The following PARD3B variants were observed in gnomAD, a reference collection of about 807,000 sequenced individuals.
PARD3B encodes par-3 family cell polarity regulator beta.
A neutral mutation model predicts 130.2 loss-of-function variants in PARD3B; 103 were observed. That is an observed-to-expected ratio of 0.79 (90% CI 0.67 to 0.93). PARD3B has a LOEUF of 0.93. Ranked by LOEUF, PARD3B falls within the 40% of genes least tolerant of loss-of-function variation. The pLI is 0.00. For missense variants in PARD3B, 1,609 were observed against 1,499.2 expected (o/e 1.07, Z -1.21); for synonymous variants, 583 against 553.2 (o/e 1.05, Z -0.76).
At chr2:204,547,274 GAAA>G (rs1199613347) in intron 1 of PARD3B, among the ~76,000 whole-genome samples, 4 of 151,970 alleles carry the variant, frequency 2.6e-5, no homozygotes, top group African/African-American at 7.3e-5. Context: ...TTATTATACA[GAAA>G]AAAAATTCAG....
intron 3 of PARD3B, among the ~76,000 whole-genome samples, chr2:205,036,890 T>C (rs1575605248): frequency 6.6e-6 from 1 of 151,384 alleles, no homozygotes; most frequent in East Asian, 1.9e-4. Context: ...GCGGACTGTA[T>C]ATATAAAGAA....
chr2:204,762,384 A>G (rs2040943137), intron 2 of PARD3B, among the ~76,000 whole-genome samples: 1 of 152,078 alleles, frequency 6.6e-6, no homozygotes, highest in Non-Finnish European at 1.5e-5. Context: ...TTGGCCTTCC[A>G]AAGTAATAGG....
chr2:204,970,067 A>C (rs1392822102), intron 3 of PARD3B, among the ~76,000 whole-genome samples: 3 of 152,150 alleles, frequency 2.0e-5, no homozygotes, highest in African/African-American at 7.2e-5. Flanking sequence ...GCCATCTGTA[A>C]AAAAGACAAA....
intron 1 of PARD3B, among the ~76,000 whole-genome samples, chr2:204,549,472 T>G (rs190187830): frequency 6.6e-6 from 1 of 152,324 alleles, no homozygotes; most frequent in East Asian, 1.9e-4. Context: ...CTCTCAACCC[T>G]GGCTGAACTT....
intron 20 of PARD3B, among the ~76,000 whole-genome samples, chr2:205,497,129 C>T (rs1240110310): frequency 2.0e-5 from 3 of 147,858 alleles, no homozygotes; most frequent in Non-Finnish European, 3.0e-5. Flanking sequence ...TTTTCAAGTG[C>T]TCAAAGAAAA....
intron 4 of PARD3B, chr2:205,103,758 C>G: frequency 3.0e-6 from 3 of 984,848 alleles, no homozygotes; most frequent in Non-Finnish European, 3.6e-6. Context: ...ATCCTCTCCT[C>G]TGCTTCTCTG....
intron 19 of PARD3B, among the ~76,000 whole-genome samples, chr2:205,427,714 CAAATT>C (rs1209503576): frequency 5.3e-5 from 8 of 151,522 alleles, no homozygotes; most frequent in Admixed American, 5.3e-4. Flanking sequence ...TTACATATAG[CAAATT>C]AAATAAAAAG....
chr2:204,603,805 A>G (rs1360659399), intron 1 of PARD3B, among the ~76,000 whole-genome samples: 1 of 152,152 alleles, frequency 6.6e-6, no homozygotes, highest in Non-Finnish European at 1.5e-5. Context: ...GGAGTGCTTC[A>G]TGTTTGTGTG....
In PARD3B at chr2:205,590,520, C is replaced by A. The variant is rs752032800; in HGVS notation, c.3261-24936C>A. 2.0e-5 allele frequency among the ~76,000 whole-genome samples: 3 copies of A among 152,156 alleles called. No homozygotes were observed. The highest frequency in any genetic ancestry group is 4.4e-5 in the Non-Finnish European group (3 of 68,038). On this transcript the variant is annotated intron_variant, in intron 22 of 22. Transcript: ENST00000406610. This position sits in a 1 kb window ranked among gnomAD's most constrained non-coding sequence, Gnocchi z 4.1. Reference sequence around the variant, plus strand: ...AATCACTGTGCCCGAGGGGATGGAACGTTCTGATGATCCAGGCCTGGGTCA... The same window carrying A: ...AATCACTGTGCCCGAGGGGATGGAAAGTTCTGATGATCCAGGCCTGGGTCA...
chr2:204,781,197 T>C (rs1378828283), intron 2 of PARD3B, among the ~76,000 whole-genome samples: 1 of 152,156 alleles, frequency 6.6e-6, no homozygotes, highest in Non-Finnish European at 1.5e-5. Flanking sequence ...GCATGTTTGC[T>C]TTCAAGGAGA....
rs1469575120 is a variant in PARD3B, at chr2:204,610,864, AT to A, written c.120+64747del. Among the ~76,000 whole-genome samples, 1 of 152,202 alleles carries A rather than the reference AT, an allele frequency of 6.6e-6. No homozygotes were observed. Among genetic ancestry groups the A allele is most frequent in the African/African-American group, 2.4e-5 (1 of 41,442 alleles). The stretch of plus-strand genomic sequence containing the variant: ...CATAACAGTATTTCTAGTATATAAA[AT>A]TCAGTTGATATATGCTTGATACAAT... On this transcript the variant is annotated intron_variant, in intron 1 of 22. Transcript: ENST00000406610. The surrounding 1 kb of genome is among the most constrained non-coding windows in gnomAD (Gnocchi z 4.1).
At chr2:205,586,012 GT>G (rs1227572352) in intron 22 of PARD3B, among the ~76,000 whole-genome samples, 1 of 152,148 alleles carries the variant, frequency 6.6e-6, no homozygotes, top group Non-Finnish European at 1.5e-5. Context: ...GCTTGACTTG[GT>G]TTTTCCAGGG....
intron 18 of PARD3B, among the ~76,000 whole-genome samples, chr2:205,385,371 T>C (rs2045625365): frequency 6.6e-6 from 1 of 152,148 alleles, no homozygotes; most frequent in African/African-American, 2.4e-5. Context: ...TGTGAAATCT[T>C]AACAAAAACG....
intron 13 of PARD3B, among the ~76,000 whole-genome samples, chr2:205,180,862 T>A (rs868400872): frequency 6.6e-6 from 1 of 152,158 alleles, no homozygotes. Context: ...GTAATAGGGA[T>A]GGAGGCTGTG....
At chr2:205,006,356 G>C (rs1442457016) in intron 3 of PARD3B, among the ~76,000 whole-genome samples, 2 of 152,124 alleles carry the variant, frequency 1.3e-5, no homozygotes, top group Non-Finnish European at 2.9e-5. Flanking sequence ...TTAAATGGTA[G>C]ATCTACTTTT....
At chr2:205,215,241 G>A (rs552953470) in intron 15 of PARD3B, among the ~76,000 whole-genome samples, 1 of 151,750 alleles carries the variant, frequency 6.6e-6, no homozygotes, top group South Asian at 2.1e-4. Flanking sequence ...GTAAAACCAA[G>A]AAGTGATCCT....
At chr2:205,170,200 G>T (rs1412678569) in intron 11 of PARD3B, among the ~76,000 whole-genome samples, 1 of 152,128 alleles carries the variant, frequency 6.6e-6, no homozygotes, top group Non-Finnish European at 1.5e-5. Context: ...AGAGTGCTGG[G>T]GTTACAGGTG....
intron 2 of PARD3B, among the ~76,000 whole-genome samples, chr2:204,899,208 T>C (rs868332240): frequency 2.0e-5 from 2 of 101,302 alleles, no homozygotes; most frequent in Admixed American, 1.2e-4. Context: ...CTTCCCTCCC[T>C]TCCCTCCCCT....
chr2:205,427,916 T>C (rs182939730), intron 19 of PARD3B, among the ~76,000 whole-genome samples: 1 of 152,350 alleles, frequency 6.6e-6, no homozygotes, highest in East Asian at 1.9e-4. Flanking sequence ...TCTTAAACTT[T>C]AGTAGTCAAA....
Sources: gnomAD v4.1 joint callset for allele counts (sites outside exome capture counted in the v4.1 genomes callset) on GRCh38, gnomAD v4.1.1 for gene constraint, Gnocchi (gnomAD v3.1) non-coding constraint, MANE v1.5 for transcripts, NCBI Gene and HGNC (gene_info 2026-07-23, HGNC 2026-07-21) for gene names.